ANGPTL5: variants seen among roughly 807,000 people sequenced by gnomAD.
The protein encoded by ANGPTL5 is angiopoietin like 5.
In ANGPTL5, 34 loss-of-function variants were observed where a neutral mutation model predicts 39.4. That is an observed-to-expected ratio of 0.86 (90% CI 0.66 to 1.15). The LOEUF is 1.15. ANGPTL5 is among the 50% of genes most tolerant of loss of function. ANGPTL5 has a pLI of 0.00. For synonymous variants in ANGPTL5, 146 were observed against 152.1 expected, an observed-to-expected ratio of 0.96 and a Z score of 0.29; for missense variants, 467 against 457.5, an observed-to-expected ratio of 1.02 and a Z score of -0.19.
At chr11:101,898,005 C>A (rs558736492) in intron 7 of ANGPTL5, among the ~76,000 whole-genome samples, 56 of 152,226 alleles carry the variant, frequency 3.7e-4, no homozygotes, top group African/African-American at 1.3e-3. Context: ...AGGTGGATCA[C>A]CTGAGGTCAG....
intron 1 of ANGPTL5, among the ~76,000 whole-genome samples, chr11:101,915,810 A>G (rs974120952): frequency 1.3e-5 from 2 of 152,250 alleles, no homozygotes; most frequent in Non-Finnish European, 2.9e-5. Context: ...GCTATCCTAA[A>G]GAGTCCGTTT....
chr11:101,898,268 T>G (rs1417635200), intron 7 of ANGPTL5, among the ~76,000 whole-genome samples: 2 of 152,204 alleles, frequency 1.3e-5, no homozygotes, highest in African/African-American at 4.8e-5. Context: ...TTCATGATAC[T>G]GATTCTTCCT....
chr11:101,902,522 A>C, intron 6 of ANGPTL5, 99 bp downstream of exon 6: 2 of 1,022,478 alleles, frequency 2.0e-6, no homozygotes, highest in Non-Finnish European at 2.9e-6. Context: ...TTGAGGAAAA[A>C]TTAAATATTA....
chr11:101,911,789 C>A (rs1036439568), intron 1 of ANGPTL5, among the ~76,000 whole-genome samples: 19 of 152,200 alleles, frequency 1.2e-4, no homozygotes, highest in African/African-American at 4.6e-4. Context: ...AGTGCGAGAA[C>A]TGCCTAATAC....
At chr11:101,910,467 G>T (rs896016886) in intron 1 of ANGPTL5, among the ~76,000 whole-genome samples, 1 of 149,548 alleles carries the variant, frequency 6.7e-6, no homozygotes, top group African/African-American at 2.5e-5. Context: ...TAAGTTATGT[G>T]AATATGCTTT....
chr11:101,906,663 A>G (rs1164574937), intron 3 of ANGPTL5, among the ~76,000 whole-genome samples: 2 of 152,206 alleles, frequency 1.3e-5, no homozygotes, highest in South Asian at 2.1e-4. Flanking sequence ...GGGCCCACAC[A>G]CTATTACGTA....
At chr11:101,906,332 A>G (rs1001363307) in intron 3 of ANGPTL5, among the ~76,000 whole-genome samples, 1 of 152,158 alleles carries the variant, frequency 6.6e-6, no homozygotes, top group African/African-American at 2.4e-5. Context: ...CATACACATA[A>G]TAAATGTTAG....
chr11:101,912,299 T>A (rs1179970842), intron 1 of ANGPTL5, among the ~76,000 whole-genome samples: 1 of 152,384 alleles, frequency 6.6e-6, no homozygotes, highest in East Asian at 1.9e-4. Context: ...ATAGGGATTT[T>A]AGGGTAACAT....
rs1261857172 is a variant in ANGPTL5, at chr11:101,890,957, A to G, written c.*322T>C. On this transcript the variant is annotated 3_prime_UTR_variant, in exon 9 of 9. Transcript: ENST00000334289. ...TATTCCCTTCAATTTTCCTTACAAC[A>G]TATTATGGTTTAAAAATGCTTCAAA... is the stretch of plus-strand genomic sequence containing the variant. 4.9e-6 allele frequency: 1 copy of G among 205,574 alleles called. No individual in the cohort carries two copies. The highest frequency in any genetic ancestry group is 9.9e-6 in the Non-Finnish European group (1 of 100,926). 12.7% of individuals were successfully genotyped at this position (205,574 alleles called of 1,614,324 possible). A position where few individuals can be genotyped will look rare whatever the true frequency, so the allele number is the denominator to read the frequency against.
At chr11:101,913,431 A>G (rs916463631) in intron 1 of ANGPTL5, among the ~76,000 whole-genome samples, 1 of 152,084 alleles carries the variant, frequency 6.6e-6, no homozygotes, top group Non-Finnish European at 1.5e-5. Flanking sequence ...TAAATCTCCT[A>G]CCTCAACATC....
intron 6 of ANGPTL5, among the ~76,000 whole-genome samples, chr11:101,900,860 CTT>C (rs972234535): frequency 6.7e-6 from 1 of 149,750 alleles, no homozygotes. Flanking sequence ...TTTTTCCCCC[CTT>C]TTTTTTTGAG....
chr11:101,904,687 C>A, intron 5 of ANGPTL5, 127 bp downstream of exon 5: 1 of 795,378 alleles, frequency 1.3e-6, no homozygotes, highest in Admixed American at 2.2e-5. Context: ...AGGTATTAGC[C>A]CTCCAGTCTG....
chr11:101,901,034 T>C (rs1300202149), intron 6 of ANGPTL5, among the ~76,000 whole-genome samples: 17 of 149,056 alleles, frequency 1.1e-4, no homozygotes, highest in Non-Finnish European at 2.4e-4. Context: ...TTTTTTTTTT[T>C]TTCTTTTGTA....
intron 1 of ANGPTL5, among the ~76,000 whole-genome samples, chr11:101,909,394 C>T (rs571281210): frequency 5.3e-5 from 8 of 152,240 alleles, no homozygotes; most frequent in Admixed American, 1.3e-4. Flanking sequence ...ACTAATATTG[C>T]TATAGCTTGA....
intron 1 of ANGPTL5, among the ~76,000 whole-genome samples, chr11:101,908,374 G>A (rs1412097712): frequency 2.6e-5 from 4 of 152,142 alleles, no homozygotes; most frequent in African/African-American, 7.2e-5. Context: ...AATGACTGAT[G>A]GAGTGGGAAA....
Position 101,891,444 on chromosome 11 carries a change from C to T in ANGPTL5, c.1002G>A (p.Trp334Ter). Residue 334 changes from tryptophan (W) to a stop codon, truncating the protein, a stop_gained, in exon 9 of 9, where the codon TGG becomes TGA. Coordinates refer to ENST00000334289, the MANE Select transcript of ANGPTL5 (RefSeq NM_178127.5). LOFTEE classifies it high-confidence loss of function. ...CSHLHNKTGW[W>*]FNECGLANLN... ...GATTTGCTAGACCACACTCGTTAAACCACCAGCCGGTCTTGTTATGGAGGT... is the reference window on the plus strand; with the variant it reads ...GATTTGCTAGACCACACTCGTTAAATCACCAGCCGGTCTTGTTATGGAGGT... 1 of 1,614,042 alleles carries T rather than the reference C, an allele frequency of 6.2e-7. No individual in the cohort carries two copies. The highest frequency in any genetic ancestry group is 8.5e-7 in the Non-Finnish European group (1 of 1,179,982).
chr11:101,911,600 G>T (rs149085750), intron 1 of ANGPTL5, among the ~76,000 whole-genome samples: 42 of 152,142 alleles, frequency 2.8e-4, no homozygotes, highest in African/African-American at 7.7e-4. Flanking sequence ...CTCTCTTTCA[G>T]TCCTGCTCCT....
chr11:101,907,971 T>A lies in ANGPTL5; in HGVS notation c.-62A>T. 1 of 1,208,282 alleles carries A rather than the reference T, an allele frequency of 8.3e-7. No homozygotes were observed. The highest frequency in any genetic ancestry group is 1.2e-6 in the Non-Finnish European group (1 of 822,410). 74.8% of individuals were successfully genotyped at this position (1,208,282 alleles called of 1,614,324 possible). A position where few individuals can be genotyped will look rare whatever the true frequency, so the allele number is the denominator to read the frequency against. On this transcript the variant is annotated 5_prime_UTR_variant, in exon 2 of 9. Transcript: ENST00000334289. ...TCAGTCAGCTCTTTGTGGAAAGAAC[T>A]ACAGAGCATAGAGTCTTCAGTTAAA...
intron 8 of ANGPTL5, among the ~76,000 whole-genome samples, chr11:101,894,009 C>A (rs1267876680): frequency 6.6e-6 from 1 of 152,208 alleles, no homozygotes; most frequent in Non-Finnish European, 1.5e-5. Context: ...GGAATATATA[C>A]TTCTAAAAAG....
Sources: allele counts gnomAD v4.1 joint callset (sites outside exome capture counted in the v4.1 genomes callset), GRCh38; gene constraint gnomAD v4.1.1; transcripts MANE v1.5; gene names NCBI Gene and HGNC (gene_info 2026-07-23, HGNC 2026-07-21).